YWHAE: variants seen among roughly 807,000 people sequenced by gnomAD.
The protein encoded by YWHAE is 14-3-3 protein epsilon.
A neutral mutation model predicts 30.1 loss-of-function variants in YWHAE; 4 were observed. The observed-to-expected ratio is 0.13, with a 90% CI of 0.07 to 0.30. The LOEUF is 0.30. YWHAE is among the 10% of genes least tolerant of loss of function. The pLI, the probability that YWHAE is intolerant of heterozygous loss-of-function variation, is 1.00. For missense variants in YWHAE, 121 were observed against 315.9 expected (o/e 0.38, Z 4.68); for synonymous variants, 118 against 111.8 (o/e 1.06, Z -0.35).
intron 1 of YWHAE, among the ~76,000 whole-genome samples, chr17:1,384,873 A>G (rs1474609984): frequency 6.6e-6 from 1 of 151,890 alleles, no homozygotes; most frequent in Non-Finnish European, 1.5e-5. Context: ...AAGCCTGGCT[A>G]ATTTTTTTTT....
intron 1 of YWHAE, among the ~76,000 whole-genome samples, chr17:1,395,593 C>T (rs938090472): frequency 6.6e-6 from 1 of 152,208 alleles, no homozygotes; most frequent in African/African-American, 2.4e-5. Flanking sequence ...ATAAACTTTA[C>T]TCCAGAAAGT....
At chr17:1,357,566 T>A (rs576121099) in intron 4 of YWHAE, among the ~76,000 whole-genome samples, 1 of 147,766 alleles carries the variant, frequency 6.8e-6, no homozygotes, top group South Asian at 2.2e-4. Context: ...AGCAGCAGAG[T>A]GAGACTCCGT....
At chr17:1,399,989 CTG>C in intron 1 of YWHAE, 56 bp downstream of exon 1, 1 of 1,604,706 alleles carries the variant, frequency 6.2e-7, no homozygotes, top group South Asian at 1.1e-5. Context: ...TTCCCGGCCT[CTG>C]TGGGCGGCGG....
At position 1,377,468 on chromosome 17, in the gene YWHAE, G is replaced by A. The variant is rs115819886; in HGVS notation, c.65-12410C>T. 5.6e-3 allele frequency among the ~76,000 whole-genome samples: 852 copies of A among 152,228 alleles called. 11 individuals are homozygous for A. The highest frequency in any genetic ancestry group is 0.02 in the African/African-American group (816 of 41,552). Reference sequence around the variant, plus strand: ...GACATAAAAAGGTTCTGTCAGAACCGGAAATGTGGCTCACACCTGTAGTCA... The same window carrying A: ...GACATAAAAAGGTTCTGTCAGAACCAGAAATGTGGCTCACACCTGTAGTCA... On this transcript the variant is annotated intron_variant, in intron 1 of 5. Coordinates refer to ENST00000264335, the MANE Select transcript of YWHAE (RefSeq NM_006761.5).
At chr17:1,354,092 G>A in intron 5 of YWHAE, 119 bp downstream of exon 5, 1 of 1,297,786 alleles carries the variant, frequency 7.7e-7, no homozygotes, top group South Asian at 1.5e-5. Context: ...ATTTCATAGA[G>A]GGCAGGCGGT....
chr17:1,358,649 A>G (rs983162908), intron 4 of YWHAE, among the ~76,000 whole-genome samples: 2 of 151,680 alleles, frequency 1.3e-5, no homozygotes, highest in Non-Finnish European at 2.9e-5. Flanking sequence ...AAGATAGTGA[A>G]ACCTCGTCTC....
intron 1 of YWHAE, among the ~76,000 whole-genome samples, chr17:1,387,247 T>C (rs1368736266): frequency 6.6e-6 from 1 of 152,110 alleles, no homozygotes; most frequent in Non-Finnish European, 1.5e-5. Flanking sequence ...TCCATCAGAA[T>C]GGGAGATTTC....
At chr17:1,358,374 G>C (rs978103780) in intron 4 of YWHAE, among the ~76,000 whole-genome samples, 2 of 152,048 alleles carry the variant, frequency 1.3e-5, no homozygotes, top group African/African-American at 4.8e-5. Flanking sequence ...CGAGTAGCTG[G>C]GACTACAGGC....
At chr17:1,361,334 T>A (rs747824475) in intron 3 of YWHAE, 36 bp from the exon 4 acceptor site, 80 of 1,211,798 alleles carry the variant, frequency 6.6e-5, no homozygotes, top group East Asian at 9.6e-5. Context: ...AAAAAAAAAA[T>A]TTAAACTAGG....
chr17:1,384,799 G>A lies in YWHAE; in HGVS notation c.64+15248C>T, dbSNP rs148541236. Reference sequence around the variant, plus strand: ...CGGCTCACTGCAACCTCCGCCTCCCGGGTTCAAGAGATTCTCCTGCCTCCG... The same window carrying A: ...CGGCTCACTGCAACCTCCGCCTCCCAGGTTCAAGAGATTCTCCTGCCTCCG... On this transcript the variant is annotated intron_variant, in intron 1 of 5. Transcript: ENST00000264335. 2.8e-4 allele frequency among the ~76,000 whole-genome samples: 42 copies of A among 152,020 alleles called. No individual in the cohort carries two copies. In the East Asian group the frequency reaches 6.6e-3, roughly 24 times the overall value.
intron 3 of YWHAE, chr17:1,361,608 G>A (rs527831142): frequency 9.5e-6 from 4 of 422,574 alleles, no homozygotes; most frequent in African/African-American, 4.1e-5. Context: ...GGAATGGCAT[G>A]ACAGTTTATT....
chr17:1,349,483 C>A (rs991609464), intron 5 of YWHAE, among the ~76,000 whole-genome samples: 6 of 152,164 alleles, frequency 3.9e-5, no homozygotes. Flanking sequence ...TGAACTATTT[C>A]ATGACTGGAA....
chr17:1,368,518 C>T lies in YWHAE; in HGVS notation c.65-3460G>A, dbSNP rs141056560. On this transcript the variant is annotated intron_variant, in intron 1 of 5. Transcript: ENST00000264335. Reference sequence around the variant, plus strand: ...GACAGGGGTTGCACTGAGCTGAGATCGCGCCATTGCACTCCAGCCTAGGCG... The same window carrying T: ...GACAGGGGTTGCACTGAGCTGAGATTGCGCCATTGCACTCCAGCCTAGGCG... Among the ~76,000 whole-genome samples the T allele has an allele frequency of 4.0e-5, 6 of 149,438 alleles. No individual in the cohort carries two copies. In the South Asian group the frequency reaches 6.3e-4, roughly 16 times the overall value.
intron 5 of YWHAE, among the ~76,000 whole-genome samples, chr17:1,352,990 C>A (rs2072661039): frequency 6.6e-6 from 1 of 152,128 alleles, no homozygotes; most frequent in South Asian, 2.1e-4. Flanking sequence ...TACCATGGAT[C>A]AAAATGATTC....
intron 1 of YWHAE, among the ~76,000 whole-genome samples, chr17:1,398,357 GT>G (rs1285355518): frequency 1.5e-5 from 2 of 137,248 alleles, no homozygotes; most frequent in Non-Finnish European, 3.1e-5. Context: ...CAGGAACCTT[GT>G]TGAATACAAA....
chr17:1,398,265 CAT>C (rs1391416010), intron 1 of YWHAE, among the ~76,000 whole-genome samples: 1 of 151,940 alleles, frequency 6.6e-6, no homozygotes, highest in African/African-American at 2.4e-5. Flanking sequence ...CAAGCACATT[CAT>C]ATCTCTTTGA....
At chr17:1,388,117 GGTT>G (rs2073333346) in intron 1 of YWHAE, among the ~76,000 whole-genome samples, 3 of 65,112 alleles carry the variant, frequency 4.6e-5, no homozygotes, top group African/African-American at 2.3e-4. Flanking sequence ...TTTTTTGGTT[GGTT>G]TTTTTTTTTT....
intron 4 of YWHAE, 49 bp from the exon 5 acceptor site, chr17:1,354,396 A>C: frequency 1.3e-6 from 2 of 1,581,048 alleles, no homozygotes; most frequent in Non-Finnish European, 1.7e-6. Flanking sequence ...CCAAAATCAG[A>C]ATTAGAAATG....
intron 5 of YWHAE, 31 bp from the exon 6 acceptor site, chr17:1,345,530 CG>C: frequency 6.2e-7 from 1 of 1,607,010 alleles, no homozygotes; most frequent in South Asian, 1.1e-5. Flanking sequence ...TCAATTATTT[CG>C]TATTGACTAC....
Sources: allele counts gnomAD v4.1 joint callset (sites outside exome capture counted in the v4.1 genomes callset), GRCh38; gene constraint gnomAD v4.1.1; transcripts MANE v1.5; gene names NCBI Gene and HGNC (gene_info 2026-07-23, HGNC 2026-07-21).